Variants in PRSS12 observed in about 807,000 individuals in gnomAD.
PRSS12 encodes serine protease 12.
In PRSS12, 85 loss-of-function variants were observed where a neutral mutation model predicts 104.4. The ratio of observed to expected loss-of-function variants is 0.81; its 90% CI spans 0.68 to 0.98. The LOEUF (loss-of-function observed/expected upper bound fraction) is 0.98. Among genes scored for constraint, PRSS12 ranks in the 50% least tolerant of loss-of-function variants. The pLI is 0.00. For synonymous variants in PRSS12, 454 were observed against 425.2 expected, an observed-to-expected ratio of 1.07 and a Z score of -0.83; for missense variants, 1,141 against 1,139.2, an observed-to-expected ratio of 1.00 and a Z score of -0.02.
At chr4:118,296,053 T>A (rs1216921943) in intron 9 of PRSS12, among the ~76,000 whole-genome samples, 197 bp from the exon 10 acceptor site, 1 of 152,258 alleles carries the variant, frequency 6.6e-6, no homozygotes, top group Non-Finnish European at 1.5e-5. Context: ...AGAAACATTA[T>A]GAGGTTTCCC....
Position 118,325,494 on chromosome 4 carries a change from C to T in PRSS12, c.971+6222G>A, listed in dbSNP as rs146767319. Among the ~76,000 whole-genome samples the T allele has an allele frequency of 3.4e-3, 517 of 152,126 alleles. 4 individuals carry two copies. Among genetic ancestry groups the T allele is most frequent in the African/African-American group, 0.011 (472 of 41,560 alleles). ...TTAACCAGGAAACTATAATGTAACA[C>T]AAAATCAGGTTTTCTGGCTAACTTT... On this transcript the variant is annotated intron_variant, in intron 4 of 12. Coordinates refer to ENST00000296498, the MANE Select transcript of PRSS12 (RefSeq NM_003619.4).
rs79310340 is a variant in PRSS12, at chr4:118,345,168, C to G, written c.503-6854G>C. Among the ~76,000 whole-genome samples, 157 of 152,278 alleles carry G rather than the reference C, an allele frequency of 1.0e-3. 7 individuals carry two copies. The East Asian group carries it at 0.025, about 25-fold the overall frequency. ...AAGGAATAAATGAAACCTATCCTTA[C>G]CCTGTTAGAAGAACCAGCATTACAC... On this transcript the variant is annotated intron_variant, in intron 1 of 12. Transcript: ENST00000296498.
In PRSS12 at chr4:118,280,171, G is replaced by A. The variant is rs558597254; in HGVS notation, c.*1765C>T. The A allele has an allele frequency of 3.4e-4, 52 of 152,360 alleles. No homozygotes were observed. Among genetic ancestry groups the A allele is most frequent in the African/African-American group, 1.1e-3 (46 of 41,590 alleles). The allele number at this position is 152,360 out of a possible 1,614,324, so 9.4% of individuals were successfully genotyped here. ...TTCTTAAGGATTGAGCAAACTGCAG[G>A]CTGCTTGCTGCCTTTTAGGTTTGCT... On this transcript the variant is annotated 3_prime_UTR_variant, in exon 13 of 13. Transcript: ENST00000296498.
intron 1 of PRSS12, among the ~76,000 whole-genome samples, chr4:118,342,940 C>T (rs1308516736): frequency 6.6e-6 from 1 of 152,158 alleles, no homozygotes; most frequent in Admixed American, 6.5e-5. Context: ...TGGACAACTT[C>T]GCTAGAAAAC....
rs1293802675 is a variant in PRSS12, at chr4:118,316,167, A to G, written c.1292+15T>C. 3.7e-6 allele frequency: 6 copies of G among 1,613,920 alleles called. No homozygotes were observed. Among genetic ancestry groups the G allele is most frequent in the Non-Finnish European group, 4.2e-6 (5 of 1,179,866 alleles). On this transcript the variant is annotated intron_variant, in intron 6 of 12. Transcript: ENST00000296498. ...AATCTGGCATTTAACTGCCTTTATA[A>G]TTAATGAACCTTACTTAAATCCCAA... is the stretch of plus-strand genomic sequence containing the variant.
At chr4:118,322,738 G>C (rs777731377) in intron 4 of PRSS12, among the ~76,000 whole-genome samples, 3 of 151,824 alleles carry the variant, frequency 2.0e-5, no homozygotes, top group Non-Finnish European at 4.4e-5. Flanking sequence ...AAACTGCTTG[G>C]AGTTGTGTGC....
chr4:118,281,807 C>A lies in PRSS12; in HGVS notation c.*129G>T, dbSNP rs772536804. 2.8e-6 allele frequency: 2 copies of A among 708,992 alleles called. No individual in the cohort carries two copies. The highest frequency in any genetic ancestry group is 3.0e-5 in the South Asian group (2 of 66,752). The allele number at this position is 708,992 out of a possible 1,614,324, so 43.9% of individuals were successfully genotyped here. On this transcript the variant is annotated 3_prime_UTR_variant, in exon 13 of 13. Coordinates refer to ENST00000296498, the MANE Select transcript of PRSS12 (RefSeq NM_003619.4). ...AATTTCTCAAAAGCAGCAGGGGGTA[C>A]ACAATTTTTTACCACAACACAAAGC...
chr4:118,292,380 G>T lies in PRSS12; in HGVS notation c.2039+2559C>A, dbSNP rs115874133. 4.7e-3 allele frequency among the ~76,000 whole-genome samples: 723 copies of T among 152,250 alleles called. 12 individuals are homozygous for T. Among genetic ancestry groups the T allele is most frequent in the African/African-American group, 0.017 (696 of 41,538 alleles). On this transcript the variant is annotated intron_variant, in intron 11 of 12. Transcript: ENST00000296498. ...CAAAGATTCAGCAGATTTAGAGCAG[G>T]GGCTCAGGAACCTGGACTATTAACA...
chr4:118,342,514 T>G (rs898517892), intron 1 of PRSS12, among the ~76,000 whole-genome samples: 1 of 152,210 alleles, frequency 6.6e-6, no homozygotes, highest in South Asian at 2.1e-4. Context: ...TTCTACATAT[T>G]TCTATCTTTA....
chr4:118,352,677 A>T lies in PRSS12; in HGVS notation c.44T>A (p.Leu15His). 1.9e-6 allele frequency: 3 copies of T among 1,613,164 alleles called. No homozygotes were observed. The highest frequency in any genetic ancestry group is 2.5e-6 in the Non-Finnish European group (3 of 1,179,490). The change falls in exon 1 of 13, where the codon CTC (leucine) becomes CAC (histidine). Residue 15 changes from leucine to histidine, a missense_variant. Physicochemically the swap from Leu to His is moderately conservative, Grantham distance 99. Coordinates refer to ENST00000296498, the MANE Select transcript of PRSS12 (RefSeq NM_003619.4). ...RFVLALMLGALPEVVGFDSVL... is the reference protein window; with the variant it reads ...RFVLALMLGAHPEVVGFDSVL... ...AGAATCAAAGCCGACCACTTCGGGG[A>T]GCGCCCCTAACATCAGGGCTAGCAC...
At position 118,282,967 on chromosome 4, in the gene PRSS12, G is replaced by A. The variant is rs1742921257; in HGVS notation, c.2184C>T (p.Ala728=). ...CTTCTGGTCCTTGTAATCTAACCAG[G>A]GCTATGTCATAATCACTGCGGTCGG... ...YRPDRSDYDI[A]LVRLQGPEEQ... The change falls in exon 12 of 13, where the codon GCC becomes GCT. Residue 728 remains alanine (A), a synonymous_variant. Transcript: ENST00000296498. The A allele has an allele frequency of 6.2e-7, 1 of 1,613,982 alleles. No homozygotes were observed.
intron 1 of PRSS12, among the ~76,000 whole-genome samples, chr4:118,346,194 G>C (rs1724349009): frequency 6.6e-6 from 1 of 152,130 alleles, no homozygotes; most frequent in Non-Finnish European, 1.5e-5. Context: ...AAGTAGCAGA[G>C]GAACAGAAGT....
intron 3 of PRSS12, 61 bp downstream of exon 3, chr4:118,335,412 T>C: frequency 6.3e-7 from 1 of 1,579,716 alleles, no homozygotes; most frequent in Non-Finnish European, 8.7e-7. Context: ...ACTTTCATCA[T>C]CTGGAATCAC....
At chr4:118,334,208 T>C (rs1724006453) in intron 3 of PRSS12, among the ~76,000 whole-genome samples, 1 of 152,204 alleles carries the variant, frequency 6.6e-6, no homozygotes, top group African/African-American at 2.4e-5. Context: ...CTTTCTATAT[T>C]TTATATATGT....
At chr4:118,307,898 CAA>C (rs59906513) in intron 8 of PRSS12, among the ~76,000 whole-genome samples, 3 of 135,160 alleles carry the variant, frequency 2.2e-5, no homozygotes, top group Non-Finnish European at 3.2e-5. Context: ...CACAGAAATG[CAA>C]AAAAAAAAAA....
At position 118,282,189 on chromosome 4, in the gene PRSS12, C is replaced by A; in HGVS notation, c.2375G>T (p.Arg792Met). 1 of 1,614,132 alleles carries A rather than the reference C, an allele frequency of 6.2e-7. No individual in the cohort carries two copies. Among genetic ancestry groups the A allele is most frequent in the Non-Finnish European group, 8.5e-7 (1 of 1,180,028 alleles). ...ACCCTTATAACGTTCTTCACAAAAC[C>A]TTTTAGGAAGTAAGGGAATGGCTGC... ...QQAAIPLLPK[R>M]FCEERYKGRF... is the part of the protein sequence containing the mutation. The change falls in exon 13 of 13, where the codon AGG (arginine) becomes ATG (methionine). Residue 792 changes from arginine to methionine, a missense_variant. Physicochemically the swap from Arg to Met is moderately conservative, Grantham distance 91. Transcript: ENST00000296498.
intron 8 of PRSS12, among the ~76,000 whole-genome samples, chr4:118,306,566 C>A (rs1181392193): frequency 6.6e-6 from 1 of 152,070 alleles, no homozygotes; most frequent in East Asian, 1.9e-4. Flanking sequence ...TTTTAAACAA[C>A]CAGATCTCAT....
intron 4 of PRSS12, among the ~76,000 whole-genome samples, chr4:118,324,499 A>C (rs1322576911): frequency 6.6e-6 from 1 of 152,146 alleles, no homozygotes; most frequent in Non-Finnish European, 1.5e-5. Context: ...GCTGAAGTAT[A>C]TTGTGTTTCA....
intron 7 of PRSS12, among the ~76,000 whole-genome samples, chr4:118,309,478 C>T (rs1359974601): frequency 6.6e-6 from 1 of 152,080 alleles, no homozygotes; most frequent in African/African-American, 2.4e-5. Flanking sequence ...TGGAGCATCT[C>T]TCTCTCTCAC....
Sources: allele counts gnomAD v4.1 joint callset (sites outside exome capture counted in the v4.1 genomes callset), GRCh38; gene constraint gnomAD v4.1.1; transcripts MANE v1.5; gene names NCBI Gene and HGNC (gene_info 2026-07-23, HGNC 2026-07-21).